TIAM2: variants seen among roughly 807,000 people sequenced by gnomAD.
The protein encoded by TIAM2 is TIAM Rac1 associated GEF 2, also known as rho guanine nucleotide exchange factor TIAM2.
Under a neutral mutation model 152.9 loss-of-function variants are expected in TIAM2, and 80 were observed. That is an observed-to-expected ratio of 0.52 (90% confidence interval 0.44 to 0.63). The LOEUF (loss-of-function observed/expected upper bound fraction) is 0.63. TIAM2 is among the 30% of genes least tolerant of loss of function. The pLI is 0.00. For missense variants in TIAM2, 1,965 were observed against 2,120.1 expected (o/e 0.93, Z 1.44); for synonymous variants, 804 against 838.0 (o/e 0.96, Z 0.70).
At chr6:155,172,632 CTAGTTGGAA>C (rs1464934918) in intron 9 of TIAM2, among the ~76,000 whole-genome samples, 6 of 97,200 alleles carry the variant, frequency 6.2e-5, no homozygotes, top group African/African-American at 2.1e-4. Flanking sequence ...CTTGAAGAGG[CTAGTTGGAA>C]ATATATATAT....
chr6:155,224,137 A>G (rs1004693297), intron 15 of TIAM2, among the ~76,000 whole-genome samples: 4 of 152,180 alleles, frequency 2.6e-5, no homozygotes, highest in Non-Finnish European at 4.4e-5. Flanking sequence ...TTGTAGTCCA[A>G]TGAAAACCTT....
chr6:155,048,152 T>C (rs1777244469), intron 1 of TIAM2, among the ~76,000 whole-genome samples: 1 of 152,160 alleles, frequency 6.6e-6, no homozygotes, highest in Non-Finnish European at 1.5e-5. Flanking sequence ...AGGGTTTCAC[T>C]GTATTGGCCA....
chr6:155,042,796 C>T (rs897455039), intron 1 of TIAM2, among the ~76,000 whole-genome samples: 1 of 150,080 alleles, frequency 6.7e-6, no homozygotes, highest in African/African-American at 2.5e-5. Context: ...CTACTCTCAG[C>T]ATTTTTCAAG....
chr6:155,210,981 G>A (rs938451918), intron 14 of TIAM2, among the ~76,000 whole-genome samples: 2 of 152,076 alleles, frequency 1.3e-5, no homozygotes, highest in East Asian at 1.9e-4. Context: ...GGTCTCTTTC[G>A]ACCAAAACAG....
intron 1 of TIAM2, among the ~76,000 whole-genome samples, chr6:155,012,547 ATTTAT>A (rs1011457709): frequency 3.3e-5 from 5 of 152,234 alleles, no homozygotes; most frequent in Middle Eastern, 3.4e-3. Flanking sequence ...ATTTTTTAAA[ATTTAT>A]TTTATTTTAT....
chr6:155,242,159 C>T (rs1484736034), intron 16 of TIAM2, among the ~76,000 whole-genome samples: 4 of 152,180 alleles, frequency 2.6e-5, no homozygotes, highest in East Asian at 1.9e-4. Context: ...CTTTGCCCCC[C>T]GCAGCTCTGC....
chr6:155,066,442 C>A (rs1415474967), intron 1 of TIAM2, among the ~76,000 whole-genome samples: 2 of 152,204 alleles, frequency 1.3e-5, no homozygotes, highest in African/African-American at 4.8e-5. Flanking sequence ...ACCGTGTCAC[C>A]GCTGGGAAGA....
intron 1 of TIAM2, among the ~76,000 whole-genome samples, chr6:155,011,726 A>G (rs1164175812): frequency 6.6e-6 from 1 of 152,254 alleles, no homozygotes; most frequent in African/African-American, 2.4e-5. Context: ...CCAAGTCACT[A>G]AAACCAGTCA....
chr6:155,171,703 A>G lies in TIAM2; in HGVS notation c.2362-5113A>G, dbSNP rs553917506. On this transcript the variant is annotated intron_variant, in intron 9 of 26. Coordinates refer to ENST00000682666, the MANE Select transcript of TIAM2 (RefSeq NM_012454.4). ...AGAGAATATTAATACACAACCCTAC[A>G]TAGCATATATATATGCATACAGCTA... Among the ~76,000 whole-genome samples the G allele has an allele frequency of 1.1e-3, 160 of 152,326 alleles. 2 individuals are homozygous for G. The South Asian group carries it at 0.032, about 31-fold the overall frequency.
chr6:155,215,709 T>C (rs1441736109), intron 15 of TIAM2, among the ~76,000 whole-genome samples: 6 of 145,524 alleles, frequency 4.1e-5, no homozygotes, highest in African/African-American at 1.5e-4. Flanking sequence ...CCGTGGTTTT[T>C]TTAAAAAAAA....
chr6:155,148,070 A>C, intron 6 of TIAM2, 40 bp from the exon 7 acceptor site: 3 of 1,605,696 alleles, frequency 1.9e-6, no homozygotes, highest in Non-Finnish European at 2.6e-6. Flanking sequence ...CTTTAGTGGT[A>C]AAATGATTCG....
At chr6:155,164,773 C>T (rs1483044352) in intron 8 of TIAM2, among the ~76,000 whole-genome samples, 173 bp downstream of exon 8, 6 of 152,164 alleles carry the variant, frequency 3.9e-5, no homozygotes, top group Non-Finnish European at 5.9e-5. Flanking sequence ...AGACGTCGTG[C>T]TGTAGAGCCC....
At position 155,129,130 on chromosome 6, in the gene TIAM2, A is replaced by G. The variant is rs754160521; in HGVS notation, c.-6-88A>G. 147 of 1,240,714 alleles carry G rather than the reference A, an allele frequency of 1.2e-4. No individual in the cohort carries two copies. The highest frequency in any genetic ancestry group is 1.6e-4 in the Non-Finnish European group (139 of 888,220). 76.9% of individuals were successfully genotyped at this position (1,240,714 alleles called of 1,614,324 possible). ...TTCCAGGCACTGAAGTTGCTGTGTA[A>G]TATGCAGGGCATTCTTTTTAGAAAG... On this transcript the variant is annotated intron_variant, in intron 3 of 26. Transcript: ENST00000682666. This position sits in a 1 kb window ranked among gnomAD's most constrained non-coding sequence, Gnocchi z 4.8.
At chr6:155,217,240 C>T in intron 15 of TIAM2, 2 of 840,618 alleles carry the variant, frequency 2.4e-6, no homozygotes, top group South Asian at 1.7e-5. Context: ...TGCCTTTCTC[C>T]CCAGAAGGGA....
intron 1 of TIAM2, among the ~76,000 whole-genome samples, chr6:155,037,339 C>T (rs1304766306): frequency 6.6e-6 from 1 of 152,106 alleles, no homozygotes; most frequent in East Asian, 1.9e-4. Context: ...GACCATCTTT[C>T]CTTTCCCTTG....
At chr6:155,002,044 T>A (rs1314960689) in intron 1 of TIAM2, among the ~76,000 whole-genome samples, 3 of 152,240 alleles carry the variant, frequency 2.0e-5, no homozygotes, top group Non-Finnish European at 4.4e-5. Flanking sequence ...CCTTAAGATT[T>A]TCATCTCTAA....
chr6:155,172,661 T>TAGATATATAG (rs1780624323), intron 9 of TIAM2, among the ~76,000 whole-genome samples: 1 of 8,302 alleles, frequency 1.2e-4, no homozygotes, highest in African/African-American at 3.5e-4. Flanking sequence ...TATATATATA[T>TAGATATATAG]ATATATATAT....
In TIAM2 at chr6:155,257,698, G is replaced by GTA; in HGVS notation, c.*580_*581dup. The GTA allele has an allele frequency of 1.0e-6, 1 of 991,634 alleles. No homozygotes were observed. Among genetic ancestry groups the GTA allele is most frequent in the South Asian group, 1.5e-5 (1 of 67,142 alleles). 61.4% of individuals were successfully genotyped at this position (991,634 alleles called of 1,614,324 possible). ...TGATATTTATTTTCTCTGCCAAGCT[G>GTA]TATAGTAAAAGGAAAATAAGTCACA... On this transcript the variant is annotated 3_prime_UTR_variant, in exon 27 of 27. Transcript: ENST00000682666.
At chr6:155,132,838 T>C (rs1456912622) in intron 4 of TIAM2, among the ~76,000 whole-genome samples, 1 of 152,234 alleles carries the variant, frequency 6.6e-6, no homozygotes, top group Non-Finnish European at 1.5e-5. Context: ...TGGCCTGGCT[T>C]ACACGCGGCT....
Sources: allele counts gnomAD v4.1 joint callset (sites outside exome capture counted in the v4.1 genomes callset), GRCh38; gene constraint gnomAD v4.1.1; non-coding constraint Gnocchi (gnomAD v3.1); transcripts MANE v1.5; gene names NCBI Gene and HGNC (gene_info 2026-07-23, HGNC 2026-07-21).